OPHN1: variants seen among roughly 807,000 people sequenced by gnomAD.
The protein encoded by OPHN1 is oligophrenin-1.
Under a neutral mutation model 60.7 loss-of-function variants are expected in OPHN1, and 11 were observed. The ratio of observed to expected loss-of-function variants is 0.18; its 90% CI spans 0.11 to 0.30. The LOEUF is 0.30. Among genes scored for constraint, OPHN1 ranks in the 10% least tolerant of loss-of-function variants. The probability of loss-of-function intolerance (pLI) is 1.00; values close to 1 mark genes in which losing one functional copy is unlikely to be tolerated. For synonymous variants in OPHN1, 226 were observed against 222.6 expected, an observed-to-expected ratio of 1.02 and a Z score of -0.14; for missense variants, 449 against 611.0, an observed-to-expected ratio of 0.73 and a Z score of 2.80.
rs189206635 is a variant in OPHN1 at position 68,066,411 on chromosome X, G to A, written c.1835-2234C>T. Among the ~76,000 whole-genome samples, 3 of 111,677 alleles carry A rather than the reference G, an allele frequency of 2.7e-5. No homozygotes were observed. The Admixed American group carries it at 2.9e-4, about 11-fold the overall frequency. On this transcript the variant is annotated intron_variant, in intron 20 of 24. Coordinates refer to ENST00000355520, the MANE Select transcript of OPHN1 (RefSeq NM_002547.3). ...AAGAGGACCCACATACACAGCCTCA[G>A]AGAGGCTGCTACCTTCCACTCAGGA... is the stretch of plus-strand genomic sequence containing the variant.
chrX:68,133,255 A>G (rs1439246213), intron 15 of OPHN1: 1 of 652,159 alleles, frequency 1.5e-6, no homozygotes, highest in Non-Finnish European at 2.6e-6. Flanking sequence ...ACCAGCCCAC[A>G]TTTACCCTCT....
intron 16 of OPHN1, among the ~76,000 whole-genome samples, chrX:68,115,412 G>C (rs1325481170): frequency 1.8e-5 from 2 of 112,314 alleles, no homozygotes; most frequent in Non-Finnish European, 3.8e-5. Context: ...AAAATGAGCA[G>C]AGAGCCCAGG....
chrX:68,143,860 T>C (rs1188675141), intron 15 of OPHN1, among the ~76,000 whole-genome samples: 1 of 111,802 alleles, frequency 8.9e-6, no homozygotes, highest in Non-Finnish European at 1.9e-5. Context: ...TTGTATCCTT[T>C]GACTGTAATA....
intron 21 of OPHN1, 59 bp from the exon 22 acceptor site, chrX:68,053,869 G>A: frequency 8.7e-7 from 1 of 1,147,172 alleles, no homozygotes; most frequent in South Asian, 1.9e-5. Context: ...CACTACTCAT[G>A]AGCAGGCACC....
rs1431840667 is a variant in OPHN1 at position 68,193,564 on chromosome X, A to G, written c.1201+326T>C. 6.2e-5 allele frequency among the ~76,000 whole-genome samples: 7 copies of G among 112,022 alleles called. No homozygotes were observed. In the Admixed American group the frequency reaches 6.7e-4, roughly 11 times the overall value. On this transcript the variant is annotated intron_variant, in intron 14 of 24. Coordinates refer to ENST00000355520, the MANE Select transcript of OPHN1 (RefSeq NM_002547.3). ...ATCTCCCTGAGTTTGGCTCTGCCCC[A>G]TCAATTTTCATACCAGTATGTACTG...
At position 68,138,614 on chromosome X, in the gene OPHN1, A is replaced by G. The variant is rs1403675959; in HGVS notation, c.1277-19282T>C. On this transcript the variant is annotated intron_variant, in intron 15 of 24. Transcript: ENST00000355520. ...AGCCCTGGCTATACCGTACAAGACA[A>G]TGGAGAAATAAAAATATAGTACCAC... is the stretch of plus-strand genomic sequence containing the variant. Among the ~76,000 whole-genome samples the G allele has an allele frequency of 5.3e-5, 6 of 112,315 alleles. No individual in the cohort carries two copies. The East Asian group carries it at 1.1e-3, about 21-fold the overall frequency.
intron 2 of OPHN1, among the ~76,000 whole-genome samples, chrX:68,406,631 C>T (rs1393190121): frequency 9.0e-6 from 1 of 111,245 alleles, no homozygotes; most frequent in African/African-American, 3.3e-5. Context: ...AATTAAATTC[C>T]TGACATTAAT....
At chrX:68,187,823 T>C (rs1471338661) in intron 15 of OPHN1, among the ~76,000 whole-genome samples, 1 of 111,486 alleles carries the variant, frequency 9.0e-6, no homozygotes. Flanking sequence ...GAGATGGGGT[T>C]TCACCATGTT....
At chrX:68,283,489 C>A (rs768749692) in intron 3 of OPHN1, among the ~76,000 whole-genome samples, 1 of 111,222 alleles carries the variant, frequency 9.0e-6, no homozygotes, top group Non-Finnish European at 1.9e-5. Context: ...CCACTACTGA[C>A]CAACCAGAGA....
intron 6 of OPHN1, among the ~76,000 whole-genome samples, chrX:68,226,022 G>C (rs752715113): frequency 9.0e-6 from 1 of 111,688 alleles, no homozygotes; most frequent in Admixed American, 9.6e-5. Flanking sequence ...AAACAGCATA[G>C]AGAAGACCTT....
chrX:68,261,765 A>G (rs750152689), intron 5 of OPHN1, among the ~76,000 whole-genome samples: 7 of 111,802 alleles, frequency 6.3e-5, no homozygotes, highest in Non-Finnish European at 1.1e-4. Flanking sequence ...CATTAACCCA[A>G]TATAAGATAT....
At chrX:68,170,239 C>T (rs2077383023) in intron 15 of OPHN1, among the ~76,000 whole-genome samples, 1 of 104,986 alleles carries the variant, frequency 9.5e-6, no homozygotes, top group Non-Finnish European at 2.0e-5. Context: ...GAGATACCAT[C>T]TCACACCAGT....
intron 20 of OPHN1, among the ~76,000 whole-genome samples, chrX:68,067,935 A>T (rs1329805664): frequency 8.9e-6 from 1 of 111,763 alleles, no homozygotes; most frequent in Non-Finnish European, 1.9e-5. Flanking sequence ...ATGAGTGCAA[A>T]TTGTTCTGTC....
chrX:68,303,737 G>C (rs2078132201), intron 2 of OPHN1, among the ~76,000 whole-genome samples: 1 of 110,783 alleles, frequency 9.0e-6, no homozygotes, highest in Non-Finnish European at 1.9e-5. Context: ...TGGCATTCAT[G>C]GCAACACGGA....
At chrX:68,398,810 G>A (rs1391480104) in intron 2 of OPHN1, among the ~76,000 whole-genome samples, 1 of 110,526 alleles carries the variant, frequency 9.0e-6, no homozygotes, top group African/African-American at 3.3e-5. Context: ...TTAGCCAGGC[G>A]TAGTGGTGGG....
chrX:68,336,265 G>A (rs1343550657), intron 2 of OPHN1, among the ~76,000 whole-genome samples: 1 of 111,470 alleles, frequency 9.0e-6, no homozygotes, highest in Non-Finnish European at 1.9e-5. Flanking sequence ...GTTCACGCCT[G>A]TAATCCCAAC....
chrX:68,242,730 T>C (rs1381626939), intron 5 of OPHN1, among the ~76,000 whole-genome samples: 1 of 112,043 alleles, frequency 8.9e-6, no homozygotes, highest in Non-Finnish European at 1.9e-5. Context: ...GGAATATTAT[T>C]AACCCATAAA....
chrX:68,335,183 CG>C (rs1233773033), intron 2 of OPHN1, among the ~76,000 whole-genome samples: 3 of 105,707 alleles, frequency 2.8e-5, no homozygotes, highest in Admixed American at 1.0e-4. Context: ...AAAAAAAAAG[CG>C]GGGGGGTGCT....
intron 20 of OPHN1, among the ~76,000 whole-genome samples, chrX:68,068,470 CAAAAAAAAAAAAAA>C (rs61188762): frequency 3.8e-4 from 15 of 39,791 alleles, no homozygotes; most frequent in African/African-American, 1.6e-3. Flanking sequence ...GACTCCATCT[CAAAAAAAAAAAAAA>C]AAAAAAAAAG....
Sources: gnomAD v4.1 joint callset for allele counts (sites outside exome capture counted in the v4.1 genomes callset) on GRCh38, gnomAD v4.1.1 for gene constraint, MANE v1.5 for transcripts, NCBI Gene and HGNC (gene_info 2026-07-23, HGNC 2026-07-21) for gene names.